The following SLC9A1 variants were observed in gnomAD, a reference collection of about 807,000 sequenced individuals.
SLC9A1 encodes the protein solute carrier family 9 member A1, also known as sodium/hydrogen exchanger 1.
Under a neutral mutation model 67.9 loss-of-function variants are expected in SLC9A1, and 22 were observed. That is an observed-to-expected ratio of 0.32 (90% CI 0.23 to 0.46). SLC9A1 has a LOEUF of 0.46. Ranked by LOEUF, SLC9A1 falls within the 20% of genes least tolerant of loss-of-function variation. SLC9A1 has a pLI of 1.00. For synonymous variants in SLC9A1, 421 were observed against 471.8 expected (o/e 0.89, Z 1.40); for missense variants, 686 against 1,094.8 (o/e 0.63, Z 5.27).
chr1:27,106,212 C>G lies in SLC9A1; in HGVS notation c.1283-125G>C, dbSNP rs1014592828. ...CATTACGAAGCCCACCCCGCTCACT[C>G]AATTCCTGGGTCCCTCAGCCCAGAG... On this transcript the variant is annotated intron_variant, in intron 4 of 11. Coordinates refer to ENST00000263980, the MANE Select transcript of SLC9A1 (RefSeq NM_003047.5). The surrounding 1 kb of genome is among the most constrained non-coding windows in gnomAD (Gnocchi z 4.3). 1 of 667,286 alleles carries G rather than the reference C, an allele frequency of 1.5e-6. No homozygotes were observed. Among genetic ancestry groups the G allele is most frequent in the African/African-American group, 1.8e-5 (1 of 55,076 alleles). The allele number at this position is 667,286 out of a possible 1,614,324, so 41.3% of individuals were successfully genotyped here.
At chr1:27,142,599 C>G (rs1227129073) in intron 1 of SLC9A1, among the ~76,000 whole-genome samples, 1 of 152,154 alleles carries the variant, frequency 6.6e-6, no homozygotes, top group Non-Finnish European at 1.5e-5. Context: ...AGCAGAGCCT[C>G]AGAGGTGTGC....
intron 1 of SLC9A1, among the ~76,000 whole-genome samples, chr1:27,126,869 C>A (rs531020338): frequency 6.6e-6 from 1 of 152,312 alleles, no homozygotes; most frequent in East Asian, 1.9e-4. Flanking sequence ...CACTAAGCTC[C>A]AGCTGAATTG....
Position 27,107,778 on chromosome 1 carries a change from C to T in SLC9A1, c.1152G>A (p.Lys384=). The T allele has an allele frequency of 6.2e-7, 1 of 1,607,988 alleles. No individual in the cohort carries two copies. The highest frequency in any genetic ancestry group is 1.1e-5 in the South Asian group (1 of 89,428). The change falls in exon 4 of 12, where the codon AAG becomes AAA. Residue 384 remains lysine, a synonymous_variant. Coordinates refer to ENST00000263980, the MANE Select transcript of SLC9A1 (RefSeq NM_003047.5). The stretch of plus-strand genomic sequence containing the variant: ...GGGTCTCGCTGACGCTGCTCCACAT[C>T]TTCAGGAAGTATTTGATGGTGGTGT... ...KSHTTIKYFL[K]MWSSVSETLI... is the part of the protein sequence containing the mutation.
At chr1:27,126,860 A>G (rs1204483047) in intron 1 of SLC9A1, among the ~76,000 whole-genome samples, 1 of 152,234 alleles carries the variant, frequency 6.6e-6, no homozygotes, top group African/African-American at 2.4e-5. Flanking sequence ...GCACATGGAC[A>G]CTAAGCTCCA....
At chr1:27,129,571 T>C (rs562146298) in intron 1 of SLC9A1, among the ~76,000 whole-genome samples, 1 of 152,106 alleles carries the variant, frequency 6.6e-6, no homozygotes, top group East Asian at 1.9e-4. Flanking sequence ...CAGCAAGAAG[T>C]CAGAGATTAG....
intron 1 of SLC9A1, among the ~76,000 whole-genome samples, chr1:27,147,502 T>A (rs2083496017): frequency 6.7e-6 from 1 of 148,488 alleles, no homozygotes; most frequent in African/African-American, 2.5e-5. Context: ...AAAAAATAAA[T>A]AAAAATAAAA....
chr1:27,113,352 C>T (rs574880915), intron 2 of SLC9A1, among the ~76,000 whole-genome samples: 8 of 151,884 alleles, frequency 5.3e-5, no homozygotes, highest in South Asian at 2.1e-4. Flanking sequence ...CCTAGCCACT[C>T]GGAAGGCTGA....
rs200922126 is a variant in SLC9A1 at position 27,102,170 on chromosome 1, G to T, written c.1821-40C>A. On this transcript the variant is annotated intron_variant, in intron 8 of 11. Coordinates refer to ENST00000263980, the MANE Select transcript of SLC9A1 (RefSeq NM_003047.5). ...CATCGGTTAGGTCCCCAAGATTCTT[G>T]GGATCCTGGTGCCTCCCAGGTTTGG... The T allele has an allele frequency of 3.9e-6, 6 of 1,546,664 alleles. No homozygotes were observed. In the Admixed American group the frequency reaches 1.0e-4, roughly 26 times the overall value.
intron 1 of SLC9A1, among the ~76,000 whole-genome samples, chr1:27,129,082 G>A (rs1019867698): frequency 6.6e-6 from 1 of 152,226 alleles, no homozygotes; most frequent in African/African-American, 2.4e-5. Context: ...GGCAGCACTA[G>A]GGAGGCAAGA....
chr1:27,154,351 C>A lies in SLC9A1; in HGVS notation c.-17G>T. ...CAGAACCATGGTGCTGCTTCCAGAG[C>A]CAGCCTCGACCTTACCCAAATGAGA... On this transcript the variant is annotated 5_prime_UTR_variant, in exon 1 of 12. Coordinates refer to ENST00000263980, the MANE Select transcript of SLC9A1 (RefSeq NM_003047.5). The A allele has an allele frequency of 6.6e-7, 1 of 1,524,848 alleles. No individual in the cohort carries two copies. 94.5% of individuals were successfully genotyped at this position (1,524,848 alleles called of 1,614,324 possible). A position where few individuals can be genotyped will look rare whatever the true frequency, so the allele number is the denominator to read the frequency against.
chr1:27,141,864 G>A (rs1389317955), intron 1 of SLC9A1, among the ~76,000 whole-genome samples: 4 of 152,176 alleles, frequency 2.6e-5, no homozygotes, highest in Non-Finnish European at 4.4e-5. Flanking sequence ...CCTGGCCACC[G>A]GGGAGATAAG....
chr1:27,129,435 T>C (rs1296678317), intron 1 of SLC9A1, among the ~76,000 whole-genome samples: 1 of 152,092 alleles, frequency 6.6e-6, no homozygotes, highest in Non-Finnish European at 1.5e-5. Flanking sequence ...AGGCTGCCCT[T>C]TAGAGGACAC....
rs754585107 is a variant in SLC9A1 at position 27,147,440 on chromosome 1, G to A, written c.352+6543C>T. Among the ~76,000 whole-genome samples the A allele has an allele frequency of 2.3e-4, 35 of 151,824 alleles. 1 individual carries two copies. Among genetic ancestry groups the A allele is most frequent in the Non-Finnish European group, 3.7e-4 (25 of 67,958 alleles). On this transcript the variant is annotated intron_variant, in intron 1 of 11. Transcript: ENST00000263980. ...CTGGAGGCGGAGGTTGCTGTGAGCC[G>A]AGATCGCCTCACTGCACTCCAGCCT...
At chr1:27,105,858 A>G in intron 5 of SLC9A1, 27 bp downstream of exon 5, 1 of 1,598,216 alleles carries the variant, frequency 6.3e-7, no homozygotes, top group Non-Finnish European at 8.6e-7. Flanking sequence ...CCCCAAGGCA[A>G]GGGCCTGCCC....
Position 27,101,663 on chromosome 1 carries a change from G to C in SLC9A1, c.2037+62C>G. On this transcript the variant is annotated intron_variant, in intron 10 of 11. Transcript: ENST00000263980. The surrounding 1 kb of genome is among the most constrained non-coding windows in gnomAD (Gnocchi z 4.9). ...CTAGAATGGGTACATTTCCTTAGAG[G>C]CTGTGGCGGAGCTTGGGCGAGTGGG... 2 of 1,180,858 alleles carry C rather than the reference G, an allele frequency of 1.7e-6. No homozygotes were observed. The highest frequency in any genetic ancestry group is 2.5e-6 in the Non-Finnish European group (2 of 803,520). 73.1% of individuals were successfully genotyped at this position (1,180,858 alleles called of 1,614,324 possible).
chr1:27,121,375 T>A (rs2083303389), intron 1 of SLC9A1, among the ~76,000 whole-genome samples: 1 of 152,234 alleles, frequency 6.6e-6, no homozygotes, highest in Non-Finnish European at 1.5e-5. Context: ...GACCCCACTC[T>A]GCCCTTTAGT....
chr1:27,100,754 T>C lies in SLC9A1; in HGVS notation c.2111-110A>G. On this transcript the variant is annotated intron_variant, in intron 11 of 11. Transcript: ENST00000263980. The surrounding 1 kb of genome is among the most constrained non-coding windows in gnomAD (Gnocchi z 5.6). ...TCAGGCCTTCTCATGAGCACAGCCG[T>C]CCCGGTCCCAACAGGCCTCAGAAGC... 1 of 861,410 alleles carries C rather than the reference T, an allele frequency of 1.2e-6. No individual in the cohort carries two copies. The highest frequency in any genetic ancestry group is 1.8e-6 in the Non-Finnish European group (1 of 550,246). The allele number at this position is 861,410 out of a possible 1,614,324, so 53.4% of individuals were successfully genotyped here.
intron 1 of SLC9A1, among the ~76,000 whole-genome samples, chr1:27,117,354 A>G (rs2083278816): frequency 6.6e-6 from 1 of 152,208 alleles, no homozygotes; most frequent in Admixed American, 6.5e-5. Flanking sequence ...TGGCGTTAGC[A>G]CCAAGAGCTG....
intron 1 of SLC9A1, among the ~76,000 whole-genome samples, chr1:27,136,275 C>T (rs1283353008): frequency 1.3e-5 from 2 of 152,236 alleles, no homozygotes; most frequent in East Asian, 3.9e-4. Context: ...GCCAGGTCCA[C>T]GACTCAAGCT....
Sources: gnomAD v4.1 joint callset for allele counts (sites outside exome capture counted in the v4.1 genomes callset) on GRCh38, gnomAD v4.1.1 for gene constraint, Gnocchi (gnomAD v3.1) non-coding constraint, MANE v1.5 for transcripts, NCBI Gene and HGNC (gene_info 2026-07-23, HGNC 2026-07-21) for gene names.